The following DCC variants were observed in gnomAD, a reference collection of about 807,000 sequenced individuals.
The protein encoded by DCC is DCC netrin 1 receptor.
Under a neutral mutation model 172.5 loss-of-function variants are expected in DCC, and 58 were observed. That is an observed-to-expected ratio of 0.34 (90% CI 0.27 to 0.42). DCC has a LOEUF of 0.42. Among genes scored for constraint, DCC ranks in the 10% least tolerant of loss-of-function variants. The pLI is 1.00. For missense variants in DCC, 1,740 were observed against 1,791.0 expected (o/e 0.97, Z 0.51); for synonymous variants, 709 against 644.5 (o/e 1.10, Z -1.52).
At chr18:52,935,142 A>G (rs2040363795) in intron 5 of DCC, among the ~76,000 whole-genome samples, 1 of 152,156 alleles carries the variant, frequency 6.6e-6, no homozygotes, top group African/African-American at 2.4e-5. Context: ...ACATATTGGT[A>G]GCACAAATAA....
chr18:53,177,609 C>T (rs1422716376), intron 8 of DCC, among the ~76,000 whole-genome samples: 2 of 152,120 alleles, frequency 1.3e-5, no homozygotes, highest in East Asian at 1.9e-4. Context: ...ACCCATATGG[C>T]TTCTAAGGTC....
chr18:52,683,981 A>G (rs9961125), intron 1 of DCC, among the ~76,000 whole-genome samples: 6,509 of 152,146 alleles, frequency 0.043, 490 homozygotes, highest in African/African-American at 0.15. Flanking sequence ...CCAAGTTGAT[A>G]TGAAACATAT....
At chr18:53,365,215 G>T (rs1055813307) in intron 15 of DCC, among the ~76,000 whole-genome samples, 7 of 151,610 alleles carry the variant, frequency 4.6e-5, no homozygotes, top group Non-Finnish European at 8.8e-5. Flanking sequence ...TGAGAATGAT[G>T]GTTTCCAGCC....
chr18:53,522,533 A>G (rs2046410420), intron 27 of DCC, among the ~76,000 whole-genome samples: 1 of 152,196 alleles, frequency 6.6e-6, no homozygotes, highest in Non-Finnish European at 1.5e-5. Context: ...ACAAGGCTAC[A>G]GGAACCAAAT....
intron 2 of DCC, among the ~76,000 whole-genome samples, chr18:52,870,575 C>T (rs1179652170): frequency 6.6e-6 from 1 of 152,186 alleles, no homozygotes; most frequent in South Asian, 2.1e-4. Flanking sequence ...ATTACTCTTG[C>T]AGATAAGATC....
chr18:52,605,977 T>C (rs1736542117), intron 1 of DCC, among the ~76,000 whole-genome samples: 2 of 152,060 alleles, frequency 1.3e-5, no homozygotes, highest in Admixed American at 1.3e-4. Flanking sequence ...TCACTTATAT[T>C]TGCATACTAC....
chr18:52,995,965 T>C (rs192784613), intron 5 of DCC, among the ~76,000 whole-genome samples: 19 of 151,958 alleles, frequency 1.3e-4, no homozygotes, highest in African/African-American at 4.6e-4. Context: ...TATTTTTCAA[T>C]AGTTATTGCT....
At chr18:53,378,585 T>C (rs1486116734) in intron 15 of DCC, among the ~76,000 whole-genome samples, 1 of 152,254 alleles carries the variant, frequency 6.6e-6, no homozygotes, top group Admixed American at 6.5e-5. Context: ...AGGGACTTGC[T>C]ATTCAACCTT....
At position 53,086,127 on chromosome 18, in the gene DCC, CTCCTCCTCCTCCTCCTCCTCCTCCTCT is replaced by C. The variant is rs2042888571; in HGVS notation, c.1261+19967_1261+19993del. Among the ~76,000 whole-genome samples the C allele has an allele frequency of 1.0e-4, 2 of 19,930 alleles. 1 individual carries two copies. Among genetic ancestry groups the C allele is most frequent in the Non-Finnish European group, 1.8e-4 (2 of 11,304 alleles). 13.1% of individuals were successfully genotyped at this position (19,930 alleles called of 152,430 possible). A position where few individuals can be genotyped will look rare whatever the true frequency, so the allele number is the denominator to read the frequency against. The stretch of plus-strand genomic sequence containing the variant: ...CCTCCTCCTCCTCCTCCTCCTCCTC[CTCCTCCTCCTCCTCCTCCTCCTCCTCT>C]TCCTCTTCTCTTCCTCTTCTCTTCT... On this transcript the variant is annotated intron_variant, in intron 7 of 28. Coordinates refer to ENST00000442544, the MANE Select transcript of DCC (RefSeq NM_005215.4).
chr18:53,080,790 T>G (rs12957045), intron 7 of DCC, among the ~76,000 whole-genome samples: 26,409 of 152,032 alleles, frequency 0.17, 2,969 homozygotes, highest in East Asian at 0.36. Flanking sequence ...GAGCTTTTGA[T>G]GCTGACTGGG....
intron 2 of DCC, among the ~76,000 whole-genome samples, chr18:52,793,231 T>G (rs1451803351): frequency 1.3e-5 from 2 of 152,318 alleles, no homozygotes; most frequent in East Asian, 3.9e-4. Flanking sequence ...GGCACCATCT[T>G]GTCTGTTCTT....
chr18:52,764,989 A>C (rs138578095), intron 2 of DCC, among the ~76,000 whole-genome samples: 137 of 151,560 alleles, frequency 9.0e-4, no homozygotes, highest in Middle Eastern at 3.4e-3. Context: ...TTAGCATCTG[A>C]GTCCTGCCTA....
intron 5 of DCC, among the ~76,000 whole-genome samples, chr18:52,980,411 G>A (rs756623012): frequency 2.6e-5 from 4 of 151,950 alleles, no homozygotes; most frequent in Non-Finnish European, 5.9e-5. Flanking sequence ...AAATTTCAGG[G>A]TCCGGTTATC....
At chr18:53,500,529 CTG>C (rs2144456507) in intron 27 of DCC, among the ~76,000 whole-genome samples, 1 of 151,654 alleles carries the variant, frequency 6.6e-6, no homozygotes, top group African/African-American at 2.4e-5. Context: ...CACATAATGA[CTG>C]TAAAAGCTAG....
intron 1 of DCC, among the ~76,000 whole-genome samples, chr18:52,474,206 TAG>T (rs61277582): frequency 0.069 from 6,912 of 100,596 alleles, 222 homozygotes; most frequent in East Asian, 0.13. Flanking sequence ...GTAACAGACC[TAG>T]AGAGAGAGAG....
chr18:52,739,750 C>T (rs1445026236), intron 1 of DCC, among the ~76,000 whole-genome samples: 1 of 152,202 alleles, frequency 6.6e-6, no homozygotes, highest in East Asian at 1.9e-4. Flanking sequence ...GGCACTGGCC[C>T]CTGCCTGCTA....
At chr18:53,382,950 AAT>A (rs1907880933) in intron 15 of DCC, among the ~76,000 whole-genome samples, 2 of 152,156 alleles carry the variant, frequency 1.3e-5, no homozygotes, top group African/African-American at 2.4e-5. Context: ...ATCAGAGATA[AAT>A]ACACTCATTT....
At chr18:52,491,698 C>T (rs1343844339) in intron 1 of DCC, among the ~76,000 whole-genome samples, 2 of 151,892 alleles carry the variant, frequency 1.3e-5, no homozygotes, top group Non-Finnish European at 1.5e-5. Context: ...TTTGTAGATA[C>T]AATTGATTGG....
chr18:52,847,543 G>T (rs2038913441), intron 2 of DCC, among the ~76,000 whole-genome samples: 1 of 152,124 alleles, frequency 6.6e-6, no homozygotes, highest in Non-Finnish European at 1.5e-5. Context: ...ATCAAACTTT[G>T]CATCTGCTAG....
Sources: allele counts gnomAD v4.1 joint callset (sites outside exome capture counted in the v4.1 genomes callset), GRCh38; gene constraint gnomAD v4.1.1; transcripts MANE v1.5; gene names NCBI Gene and HGNC (gene_info 2026-07-23, HGNC 2026-07-21).